Variants in ATXN7L3 observed in about 807,000 individuals in gnomAD.
The protein encoded by ATXN7L3 is ataxin-7-like protein 3.
Under a neutral mutation model 50.0 loss-of-function variants are expected in ATXN7L3, and 6 were observed. The ratio of observed to expected loss-of-function variants is 0.12; its 90% confidence interval spans 0.07 to 0.24. The LOEUF (loss-of-function observed/expected upper bound fraction) is 0.24, where lower values mean the gene tolerates loss of function less well. ATXN7L3 is among the 10% of genes least tolerant of loss of function. The pLI is 1.00. For missense variants in ATXN7L3, 322 were observed against 451.3 expected, an observed-to-expected ratio of 0.71 and a Z score of 2.60; for synonymous variants, 198 against 165.8, an observed-to-expected ratio of 1.19 and a Z score of -1.49.
chr17:44,195,032 C>G, intron 10 of ATXN7L3, 65 bp downstream of exon 10: 1 of 1,587,468 alleles, frequency 6.3e-7, no homozygotes, highest in Non-Finnish European at 8.6e-7. Context: ...CAGGGGTACT[C>G]CCAACCCATG....
rs1331640554 is a variant in ATXN7L3 at position 44,195,143 on chromosome 17, G to A, written c.622-3C>T. 5 of 1,613,700 alleles carry A rather than the reference G, an allele frequency of 3.1e-6. No homozygotes were observed. Among genetic ancestry groups the A allele is most frequent in the East Asian group, 2.2e-5 (1 of 44,894 alleles). Reference sequence around the variant, plus strand: ...TGTTCAGAAATCACCCCACATTGCTGGAAGAGGAATATAAGCTGAAAGGAG... The same window carrying A: ...TGTTCAGAAATCACCCCACATTGCTAGAAGAGGAATATAAGCTGAAAGGAG... On this transcript the variant is annotated splice_polypyrimidine_tract_variant and splice_region_variant and intron_variant, in intron 9 of 12. Coordinates refer to ENST00000587097, the MANE Select transcript of ATXN7L3 (RefSeq NM_001382309.1).
At chr17:44,194,743 C>A in intron 11 of ATXN7L3, 25 bp downstream of exon 11, 2 of 1,613,988 alleles carry the variant, frequency 1.2e-6, no homozygotes, top group South Asian at 1.1e-5. Flanking sequence ...TCACAACCCC[C>A]CACCCTTCCT....
At position 44,197,587 on chromosome 17, in the gene ATXN7L3, C is replaced by T; in HGVS notation, c.184+11G>A. The T allele has an allele frequency of 6.2e-7, 1 of 1,614,240 alleles. No homozygotes were observed. Among genetic ancestry groups the T allele is most frequent in the Non-Finnish European group, 8.5e-7 (1 of 1,180,040 alleles). ...AGGGCTGGACTGCTGCTCCTTCACC[C>T]TGAAGCTCACCAAAATCCTTCATGC... On this transcript the variant is annotated intron_variant, in intron 3 of 12. Coordinates refer to ENST00000587097, the MANE Select transcript of ATXN7L3 (RefSeq NM_001382309.1).
chr17:44,195,838 A>G lies in ATXN7L3; in HGVS notation c.524-10T>C, dbSNP rs749710730. 8 of 1,609,470 alleles carry G rather than the reference A, an allele frequency of 5.0e-6. No homozygotes were observed. The African/African-American group carries it at 8.0e-5, about 16-fold the overall frequency. On this transcript the variant is annotated splice_polypyrimidine_tract_variant and intron_variant, in intron 7 of 12. Transcript: ENST00000587097. ...GAATTGCTAAGTTCCCCTGAAGAAG[A>G]AAAAAGAAGGGGAAGGGTGTTTGAT... is the stretch of plus-strand genomic sequence containing the variant.
Position 44,193,393 on chromosome 17 carries a change from C to G in ATXN7L3, c.*870G>C, listed in dbSNP as rs1301991169. 1 of 152,532 alleles carries G rather than the reference C, an allele frequency of 6.6e-6. No individual in the cohort carries two copies. Among genetic ancestry groups the G allele is most frequent in the Non-Finnish European group, 1.5e-5 (1 of 68,060 alleles). 9.4% of individuals were successfully genotyped at this position (152,532 alleles called of 1,614,324 possible). A position where few individuals can be genotyped will look rare whatever the true frequency, so the allele number is the denominator to read the frequency against. Reference sequence around the variant, plus strand: ...CCACCCCAGGAGGGTGAGGCTGGGTCCCTTCCTGGGGCAGGGAATGAGGTA... The same window carrying G: ...CCACCCCAGGAGGGTGAGGCTGGGTGCCTTCCTGGGGCAGGGAATGAGGTA... On this transcript the variant is annotated 3_prime_UTR_variant, in exon 13 of 13. Transcript: ENST00000587097.
At chr17:44,195,274 C>A in intron 9 of ATXN7L3, 134 bp from the exon 10 acceptor site, 1 of 1,336,194 alleles carries the variant, frequency 7.5e-7, no homozygotes. Context: ...GGTCCCAGGA[C>A]ACTATGGGCC....
At chr17:44,194,908 G>A in intron 10 of ATXN7L3, 69 bp from the exon 11 acceptor site, 1 of 1,567,808 alleles carries the variant, frequency 6.4e-7, no homozygotes, top group Non-Finnish European at 8.8e-7. Context: ...GGCAAGGCAG[G>A]AGCCACAGGC....
At chr17:44,195,970 C>T in intron 7 of ATXN7L3, 64 bp downstream of exon 7, 1 of 1,565,750 alleles carries the variant, frequency 6.4e-7, no homozygotes. Context: ...CCCACCTCCA[C>T]CCCCCGGCAA....
At chr17:44,195,733 T>C (rs1598195609) in intron 8 of ATXN7L3, 67 bp downstream of exon 8, 1 of 1,516,936 alleles carries the variant, frequency 6.6e-7, no homozygotes, top group African/African-American at 1.4e-5. Flanking sequence ...GATCCCTACT[T>C]GTCCAAATCC....
In ATXN7L3 at chr17:44,193,617, C is replaced by G. The variant is rs574392426; in HGVS notation, c.*646G>C. The G allele has an allele frequency of 2.0e-5, 3 of 152,280 alleles. 1 individual carries two copies. The highest frequency in any genetic ancestry group is 7.2e-5 in the African/African-American group (3 of 41,496). 9.4% of individuals were successfully genotyped at this position (152,280 alleles called of 1,614,324 possible). A position where few individuals can be genotyped will look rare whatever the true frequency, so the allele number is the denominator to read the frequency against. ...CCAACAAAAGGACAGCTCCTGCTGC[C>G]AAGGAGGCCCATGGGGACTGAGGGG... On this transcript the variant is annotated 3_prime_UTR_variant, in exon 13 of 13. Coordinates refer to ENST00000587097, the MANE Select transcript of ATXN7L3 (RefSeq NM_001382309.1).
chr17:44,195,301 G>C (rs1201237536), intron 9 of ATXN7L3, 118 bp downstream of exon 9: 4 of 1,375,962 alleles, frequency 2.9e-6, no homozygotes, highest in Non-Finnish European at 4.1e-6. Context: ...CCTAATTCCA[G>C]ACAGAGAGAA....
intron 5 of ATXN7L3, 100 bp from the exon 6 acceptor site, chr17:44,196,518 G>A: frequency 6.7e-7 from 1 of 1,496,556 alleles, no homozygotes; most frequent in Admixed American, 1.7e-5. Context: ...GGTGGCTCAT[G>A]CCTGTAATCC....
Position 44,196,496 on chromosome 17 carries a change from C to T in ATXN7L3, c.455-78G>A, listed in dbSNP as rs1470753298. On this transcript the variant is annotated intron_variant, in intron 5 of 12. Transcript: ENST00000587097. ...AAAGCATCTCAAGAAAACCATACAA[C>T]AGGCTGGGCACGGTGGCTCATGCCT... 3.8e-6 allele frequency: 6 copies of T among 1,590,506 alleles called. No individual in the cohort carries two copies. The African/African-American group carries it at 8.1e-5, about 21-fold the overall frequency.
chr17:44,193,386 G>A lies in ATXN7L3; in HGVS notation c.*877C>T, dbSNP rs924636421. 9.2e-5 allele frequency: 14 copies of A among 152,598 alleles called. No individual in the cohort carries two copies. Among genetic ancestry groups the A allele is most frequent in the African/African-American group, 3.4e-4 (14 of 41,416 alleles). 9.5% of individuals were successfully genotyped at this position (152,598 alleles called of 1,614,324 possible). A position where few individuals can be genotyped will look rare whatever the true frequency, so the allele number is the denominator to read the frequency against. ...CACGGGGCCACCCCAGGAGGGTGAG[G>A]CTGGGTCCCTTCCTGGGGCAGGGAA... is the stretch of plus-strand genomic sequence containing the variant. On this transcript the variant is annotated 3_prime_UTR_variant, in exon 13 of 13. Transcript: ENST00000587097.
chr17:44,198,128 C>G lies in ATXN7L3; in HGVS notation c.-58G>C. 2 of 1,550,344 alleles carry G rather than the reference C, an allele frequency of 1.3e-6. No individual in the cohort carries two copies. The highest frequency in any genetic ancestry group is 2.2e-5 in the South Asian group (2 of 89,266). Reference sequence around the variant, plus strand: ...GCTCATAGCACAGCGGGCGGCAACACGGCTGCACACACGGGGGTGGGGGTG... The same window carrying G: ...GCTCATAGCACAGCGGGCGGCAACAGGGCTGCACACACGGGGGTGGGGGTG... On this transcript the variant is annotated splice_region_variant and 5_prime_UTR_variant, in exon 2 of 13. Coordinates refer to ENST00000587097, the MANE Select transcript of ATXN7L3 (RefSeq NM_001382309.1).
chr17:44,194,441 G>A (rs1442719574), intron 12 of ATXN7L3, 30 bp from the exon 13 acceptor site: 5 of 1,613,846 alleles, frequency 3.1e-6, no homozygotes, highest in East Asian at 2.2e-5. Context: ...AGGGATGAGA[G>A]TATGGTTATG....
rs761432289 is a variant in ATXN7L3, at chr17:44,196,098, T to C, written c.478-19A>G. The C allele has an allele frequency of 1.3e-5, 21 of 1,611,406 alleles. No individual in the cohort carries two copies. Among genetic ancestry groups the C allele is most frequent in the East Asian group, 8.9e-5 (4 of 44,876 alleles). On this transcript the variant is annotated intron_variant, in intron 6 of 12. Coordinates refer to ENST00000587097, the MANE Select transcript of ATXN7L3 (RefSeq NM_001382309.1). ...TGGGGTTCTGGAATGGGAGATACCA[T>C]AGCTTTGGGGAAAGGGTAACGAAAA...
chr17:44,197,548 G>A (rs762091309), intron 3 of ATXN7L3, 50 bp downstream of exon 3: 19 of 1,612,554 alleles, frequency 1.2e-5, no homozygotes, highest in Admixed American at 1.7e-5. Context: ...GGAAACTCCA[G>A]GCAGTCCCAG....
chr17:44,196,860 A>G (rs2055922371), intron 5 of ATXN7L3, 69 bp downstream of exon 5: 1 of 1,055,388 alleles, frequency 9.5e-7, no homozygotes. Flanking sequence ...ATTTGTGACC[A>G]CTGTATACCC....
Sources: gnomAD v4.1 joint callset for allele counts on GRCh38, gnomAD v4.1.1 for gene constraint, MANE v1.5 for transcripts, NCBI Gene and HGNC (gene_info 2026-07-23, HGNC 2026-07-21) for gene names.